Variants in PUS10 observed in about 807,000 individuals in gnomAD.
PUS10 encodes the protein pseudouridine synthase 10, also known as tRNA pseudouridine synthase Pus10.
PUS10 carries 59 observed loss-of-function variants against 75.0 expected under a neutral mutation model. The ratio of observed to expected loss-of-function variants is 0.79; its 90% CI spans 0.64 to 0.98. PUS10 has a LOEUF of 0.98. PUS10 is among the 50% of genes least tolerant of loss of function. The probability of loss-of-function intolerance (pLI) is 0.00; values close to 1 mark genes in which losing one functional copy is unlikely to be tolerated. For missense variants in PUS10, 650 were observed against 614.4 expected, an observed-to-expected ratio of 1.06 and a Z score of -0.61; for synonymous variants, 219 against 211.6, an observed-to-expected ratio of 1.03 and a Z score of -0.30.
At chr2:60,954,041 T>A in intron 13 of PUS10, 41 bp downstream of exon 13, 1 of 1,611,150 alleles carries the variant, frequency 6.2e-7, no homozygotes, top group Non-Finnish European at 8.5e-7. Context: ...AGTTACAGAA[T>A]TGCAGAAACA....
intron 2 of PUS10, 21 bp downstream of exon 2, chr2:61,011,744 A>AG (rs1679612446): frequency 1.3e-6 from 2 of 1,499,426 alleles, no homozygotes; most frequent in African/African-American, 2.9e-5. Context: ...TTGAAAAAAA[A>AG]AAAAAAAGAA....
chr2:60,966,175 G>A (rs1056815617), intron 6 of PUS10: 1 of 151,244 alleles, frequency 6.6e-6, no homozygotes, highest in East Asian at 1.9e-4. Context: ...TCAACTCTAG[G>A]GACTGTCAGA....
At chr2:60,943,773 TG>T (rs1171757998) in intron 17 of PUS10, among the ~76,000 whole-genome samples, 3 of 151,630 alleles carry the variant, frequency 2.0e-5, no homozygotes, top group Non-Finnish European at 4.4e-5. Context: ...TGTGTGTGTG[TG>T]TGTGTGTGTG....
At chr2:60,957,226 T>C (rs1207738633) in intron 11 of PUS10, among the ~76,000 whole-genome samples, 1 of 152,138 alleles carries the variant, frequency 6.6e-6, no homozygotes, top group Non-Finnish European at 1.5e-5. Flanking sequence ...CTCATCCCCC[T>C]AAGAAACAGT....
At chr2:60,994,307 G>C (rs945593794) in intron 4 of PUS10, among the ~76,000 whole-genome samples, 5 of 151,536 alleles carry the variant, frequency 3.3e-5, no homozygotes, top group Non-Finnish European at 5.9e-5. Flanking sequence ...AAACTTCATT[G>C]GGACTTCCAC....
At chr2:61,016,191 C>A (rs976202432) in intron 1 of PUS10, among the ~76,000 whole-genome samples, 2 of 152,086 alleles carry the variant, frequency 1.3e-5, no homozygotes, top group Non-Finnish European at 2.9e-5. Flanking sequence ...GTTCCCAAAC[C>A]TGATTGATGA....
chr2:61,017,892 G>A (rs1471428715), intron 1 of PUS10, 116 bp downstream of exon 1: 3 of 1,533,234 alleles, frequency 2.0e-6, no homozygotes, highest in South Asian at 2.4e-5. Context: ...TAGTGGGCCC[G>A]AGCGGGGACT....
chr2:60,959,921 A>G (rs1352070697), intron 11 of PUS10, among the ~76,000 whole-genome samples: 7 of 152,044 alleles, frequency 4.6e-5, no homozygotes, highest in African/African-American at 1.7e-4. Context: ...GCTCATGCCT[A>G]TAATCCCAGC....
Position 61,009,016 on chromosome 2 carries a change from C to A in PUS10, c.127-1G>T. On this transcript the variant is annotated splice_acceptor_variant, in intron 2 of 17. Transcript: ENST00000316752. LOFTEE classifies it high-confidence loss of function. Reference sequence around the variant, plus strand: ...ATTTCTGTAGTTCATTGAGCAACTCCTGGAAAGTTAATGAAAGAAAAAGTA... The same window carrying A: ...ATTTCTGTAGTTCATTGAGCAACTCATGGAAAGTTAATGAAAGAAAAAGTA... 6.2e-7 allele frequency: 1 copy of A among 1,606,700 alleles called. No homozygotes were observed. The highest frequency in any genetic ancestry group is 8.5e-7 in the Non-Finnish European group (1 of 1,177,544).
chr2:61,005,319 C>T (rs1472693144), intron 4 of PUS10, among the ~76,000 whole-genome samples: 1 of 152,000 alleles, frequency 6.6e-6, no homozygotes. Flanking sequence ...AATATAAATA[C>T]CTTATAAATA....
At chr2:60,975,840 C>T (rs1677003877) in intron 4 of PUS10, among the ~76,000 whole-genome samples, 2 of 152,084 alleles carry the variant, frequency 1.3e-5, no homozygotes, top group African/African-American at 2.4e-5. Context: ...CGGCTCACTG[C>T]ACCCTCCTCC....
At chr2:60,975,023 G>A (rs1276444505) in intron 4 of PUS10, among the ~76,000 whole-genome samples, 2 of 152,238 alleles carry the variant, frequency 1.3e-5, no homozygotes, top group East Asian at 1.9e-4. Context: ...ACCTTCTGAT[G>A]TGTTAGTTTA....
intron 1 of PUS10, among the ~76,000 whole-genome samples, chr2:61,016,898 G>A (rs574013572): frequency 7.2e-5 from 11 of 152,208 alleles, no homozygotes; most frequent in African/African-American, 2.2e-4. Flanking sequence ...GGAGAAAGAG[G>A]TGATCACACT....
rs962281131 is a variant in PUS10, at chr2:60,965,579, T to A, written c.616-95A>T. 5.4e-6 allele frequency: 5 copies of A among 927,268 alleles called. No individual in the cohort carries two copies. In the African/African-American group the frequency reaches 8.5e-5, roughly 16 times the overall value. 57.4% of individuals were successfully genotyped at this position (927,268 alleles called of 1,614,324 possible). ...TAGAAATTAATTCTCAAAGATTGGC[T>A]CAGAAAAGAATGACCAGAAAAACTG... On this transcript the variant is annotated intron_variant, in intron 6 of 17. Coordinates refer to ENST00000316752, the MANE Select transcript of PUS10 (RefSeq NM_144709.4).
At position 60,953,955 on chromosome 2, in the gene PUS10, G is replaced by A. The variant is rs144588759; in HGVS notation, c.1168C>T (p.Arg390Cys). 380 of 1,613,786 alleles carry A rather than the reference G, an allele frequency of 2.4e-4. No individual in the cohort carries two copies. The highest frequency in any genetic ancestry group is 3.1e-4 in the Non-Finnish European group (364 of 1,179,808). ...INNSSNKIQVRDLQLVTREAI... is the reference protein window; with the variant it reads ...INNSSNKIQVCDLQLVTREAI... ...TACCTTGTGACAAGCTGCAAGTCAC[G>A]TACTTGGATTTTGTTAGATGAGTTA... The change falls in exon 14 of 18, where the codon CGT becomes TGT. Residue 390 changes from arginine (R) to cysteine (C), a missense_variant. Arg to Cys is a radical substitution (Grantham distance 180, BLOSUM62 -3). Transcript: ENST00000316752.
intron 4 of PUS10, among the ~76,000 whole-genome samples, chr2:61,004,628 C>CAAAAAAAA (rs70959883): frequency 4.5e-5 from 3 of 67,276 alleles, no homozygotes; most frequent in African/African-American, 1.7e-4. Context: ...GACTCCGTCT[C>CAAAAAAAA]AAAAAAAAAA....
At chr2:61,008,672 C>A in intron 3 of PUS10, 89 bp downstream of exon 3, 2 of 1,121,816 alleles carry the variant, frequency 1.8e-6, no homozygotes, top group Non-Finnish European at 1.2e-6. Context: ...ATTGTCTTGT[C>A]TTGAAAAAAG....
intron 11 of PUS10, among the ~76,000 whole-genome samples, chr2:60,955,319 A>C (rs899775708): frequency 6.6e-6 from 1 of 151,724 alleles, no homozygotes; most frequent in African/African-American, 2.4e-5. Context: ...ATATAATTTA[A>C]ATTTTATTTA....
chr2:60,959,836 T>C (rs962671904), intron 11 of PUS10, among the ~76,000 whole-genome samples: 3 of 152,034 alleles, frequency 2.0e-5, no homozygotes, highest in Non-Finnish European at 4.4e-5. Context: ...TAACAAAATA[T>C]AGAAATCTTT....
Sources: gnomAD v4.1 joint callset for allele counts (sites outside exome capture counted in the v4.1 genomes callset) on GRCh38, gnomAD v4.1.1 for gene constraint, MANE v1.5 for transcripts, NCBI Gene and HGNC (gene_info 2026-07-23, HGNC 2026-07-21) for gene names.